Variants in ARL15 observed in about 807,000 individuals in gnomAD.
ARL15 encodes the protein ARF like GTPase 15, also known as ADP-ribosylation factor-like protein 15.
ARL15 carries 19 observed loss-of-function variants against 25.2 expected under a neutral mutation model. That is an observed-to-expected ratio of 0.75 (90% CI 0.53 to 1.10). ARL15 has a LOEUF of 1.10. ARL15 is among the 50% of genes least tolerant of loss of function. The pLI is 0.00. For missense variants in ARL15, 220 were observed against 246.0 expected (o/e 0.89, Z 0.71); for synonymous variants, 94 against 86.8 (o/e 1.08, Z -0.46).
chr5:54,298,787 A>C (rs957852814), intron 1 of ARL15, among the ~76,000 whole-genome samples: 1 of 152,092 alleles, frequency 6.6e-6, no homozygotes, highest in Middle Eastern at 3.4e-3. Flanking sequence ...TTTTTCCTGG[A>C]AAGTCTCTAT....
rs943012169 is a variant in ARL15, at chr5:54,171,845, G to T, written c.132C>A (p.Gly44=). The change falls in exon 2 of 5, where the codon GGC becomes GGA. Residue 44 remains glycine, a synonymous_variant. Transcript: ENST00000504924. ...AGAGTTTGGACAACAGACTGGTTTT[G>T]CCAGAACCTGTGAGGCCTATGCAAA... is the stretch of plus-strand genomic sequence containing the variant. The part of the protein sequence containing the change: ...DLVCIGLTGS[G]KTSLLSKLCS... The T allele has an allele frequency of 1.9e-6, 3 of 1,613,534 alleles. No individual in the cohort carries two copies. The highest frequency in any genetic ancestry group is 2.5e-6 in the Non-Finnish European group (3 of 1,179,684).
chr5:54,187,230 C>G (rs930638187), intron 1 of ARL15, among the ~76,000 whole-genome samples: 1 of 152,152 alleles, frequency 6.6e-6, no homozygotes, highest in Non-Finnish European at 1.5e-5. Flanking sequence ...CATTGTGCCA[C>G]TGAGCTGGAG....
intron 1 of ARL15, among the ~76,000 whole-genome samples, chr5:54,283,959 G>C (rs1157683341): frequency 6.6e-6 from 1 of 152,170 alleles, no homozygotes; most frequent in Non-Finnish European, 1.5e-5. Context: ...TGTAGCTCCA[G>C]TGACAATCTT....
intron 4 of ARL15, among the ~76,000 whole-genome samples, chr5:53,933,980 A>G (rs930696918): frequency 6.6e-6 from 1 of 152,118 alleles, no homozygotes; most frequent in East Asian, 1.9e-4. Flanking sequence ...TGGTAAAATA[A>G]TTTTTCTTTT....
intron 3 of ARL15, among the ~76,000 whole-genome samples, chr5:54,134,523 T>C (rs1337538930): frequency 6.6e-6 from 1 of 150,970 alleles, no homozygotes; most frequent in Admixed American, 6.6e-5. Flanking sequence ...TAATTACATG[T>C]CTATTATTCC....
intron 1 of ARL15, among the ~76,000 whole-genome samples, chr5:54,237,374 T>A (rs1332147840): frequency 6.6e-6 from 1 of 152,150 alleles, no homozygotes; most frequent in Non-Finnish European, 1.5e-5. Context: ...ATGTCTTTAT[T>A]AGCAGCATGA....
chr5:53,979,831 G>T (rs954590916), intron 4 of ARL15, among the ~76,000 whole-genome samples: 1 of 226 alleles, frequency 4.4e-3, no homozygotes, highest in South Asian at 0.022. Flanking sequence ...AAAGTCTTTT[G>T]TGTGTGTGTG....
chr5:54,213,887 T>C (rs893004961), intron 1 of ARL15, among the ~76,000 whole-genome samples: 1 of 152,218 alleles, frequency 6.6e-6, no homozygotes, highest in African/African-American at 2.4e-5. Context: ...AGTTTATTGT[T>C]TGGAAAAAAT....
chr5:54,033,610 T>A (rs1372614660), intron 4 of ARL15, among the ~76,000 whole-genome samples: 1 of 150,142 alleles, frequency 6.7e-6, no homozygotes, highest in Non-Finnish European at 1.5e-5. Context: ...AGGTGGAGGT[T>A]GCAGTGATCC....
chr5:53,973,538 C>T (rs965512900), intron 4 of ARL15, among the ~76,000 whole-genome samples: 3 of 148,090 alleles, frequency 2.0e-5, no homozygotes, highest in Non-Finnish European at 3.0e-5. Context: ...CGAGCCATTG[C>T]GCTCCAGCCT....
At chr5:54,183,862 A>G (rs1755139037) in intron 1 of ARL15, among the ~76,000 whole-genome samples, 1 of 151,196 alleles carries the variant, frequency 6.6e-6, no homozygotes, top group Admixed American at 6.6e-5. Context: ...AATGTCCAAC[A>G]ATGATAGACT....
At chr5:54,179,347 G>A (rs549458151) in intron 1 of ARL15, among the ~76,000 whole-genome samples, 64 of 152,276 alleles carry the variant, frequency 4.2e-4, no homozygotes, top group Non-Finnish European at 7.1e-4. Context: ...GGGGTGTTCT[G>A]TTCTTTTGAG....
chr5:53,945,199 T>C (rs1443386643), intron 4 of ARL15, among the ~76,000 whole-genome samples: 1 of 152,204 alleles, frequency 6.6e-6, no homozygotes, highest in Non-Finnish European at 1.5e-5. Context: ...TGGCCTTTCA[T>C]GTTCTGTACT....
intron 1 of ARL15, among the ~76,000 whole-genome samples, chr5:54,283,763 T>C (rs1443626991): frequency 6.6e-6 from 1 of 152,238 alleles, no homozygotes; most frequent in African/African-American, 2.4e-5. Flanking sequence ...GAAAGATAAC[T>C]CTTATTTTAT....
At chr5:54,164,316 G>A (rs1754505110) in intron 2 of ARL15, among the ~76,000 whole-genome samples, 1 of 151,960 alleles carries the variant, frequency 6.6e-6, no homozygotes, top group African/African-American at 2.4e-5. Context: ...AATATTCTAT[G>A]TGTACTTGAA....
chr5:54,220,806 C>T (rs1041713536), intron 1 of ARL15, among the ~76,000 whole-genome samples: 8 of 152,006 alleles, frequency 5.3e-5, no homozygotes, highest in Non-Finnish European at 2.9e-5. Context: ...TCATGGTGAC[C>T]AATAAATTGT....
At chr5:54,263,894 C>T (rs183699511) in intron 1 of ARL15, among the ~76,000 whole-genome samples, 2 of 152,050 alleles carry the variant, frequency 1.3e-5, no homozygotes, top group Non-Finnish European at 2.9e-5. Flanking sequence ...CTATGTGTCC[C>T]CTGTCTCAGT....
chr5:54,062,665 C>A (rs939625242), intron 4 of ARL15, among the ~76,000 whole-genome samples: 6 of 152,158 alleles, frequency 3.9e-5, no homozygotes, highest in Non-Finnish European at 8.8e-5. Context: ...TCTAATTAAT[C>A]TTCTTTCTTT....
intron 4 of ARL15, among the ~76,000 whole-genome samples, chr5:54,072,522 C>T (rs1390784277): frequency 6.6e-6 from 1 of 152,074 alleles, no homozygotes. Flanking sequence ...TAAATGTCTC[C>T]GAGATATTTA....
Sources: gnomAD v4.1 joint callset for allele counts (sites outside exome capture counted in the v4.1 genomes callset) on GRCh38, gnomAD v4.1.1 for gene constraint, MANE v1.5 for transcripts, NCBI Gene and HGNC (gene_info 2026-07-23, HGNC 2026-07-21) for gene names.